Variants in POLN observed in about 807,000 individuals in gnomAD.
POLN encodes the protein DNA polymerase N.
A neutral mutation model predicts 113.5 loss-of-function variants in POLN; 108 were observed. That is an observed-to-expected ratio of 0.95 (90% CI 0.81 to 1.12). The LOEUF (loss-of-function observed/expected upper bound fraction) is 1.12, where lower values mean the gene tolerates loss of function less well. POLN is among the 50% of genes most tolerant of loss of function. The pLI is 0.00. For synonymous variants in POLN, 386 were observed against 391.5 expected (o/e 0.99, Z 0.17); for missense variants, 1,097 against 1,077.1 (o/e 1.02, Z -0.26).
chr4:2,179,228 G>C, intron 8 of POLN, 80 bp downstream of exon 8: 5 of 1,282,116 alleles, frequency 3.9e-6, no homozygotes, highest in Non-Finnish European at 5.5e-6. Flanking sequence ...TTTACTATTA[G>C]GCTATCAATA....
intron 2 of POLN, among the ~76,000 whole-genome samples, chr4:2,238,327 A>C (rs1420835601): frequency 6.6e-6 from 1 of 152,182 alleles, no homozygotes; most frequent in African/African-American, 2.4e-5. Context: ...AAGGTATATA[A>C]ATAATGATGC....
At chr4:2,161,632 C>T (rs529141011) in intron 13 of POLN, among the ~76,000 whole-genome samples, 2 of 152,354 alleles carry the variant, frequency 1.3e-5, no homozygotes, top group Admixed American at 1.3e-4. Flanking sequence ...CCATCGACCA[C>T]CCAAAGGCTG....
At chr4:2,234,979 G>C (rs1186481359) in intron 2 of POLN, among the ~76,000 whole-genome samples, 1 of 152,126 alleles carries the variant, frequency 6.6e-6, no homozygotes, top group Non-Finnish European at 1.5e-5. Context: ...TTTGCCTCCC[G>C]GGTTCAAGGG....
chr4:2,185,835 A>G (rs1362374792), intron 7 of POLN, among the ~76,000 whole-genome samples: 1 of 152,218 alleles, frequency 6.6e-6, no homozygotes, highest in African/African-American at 2.4e-5. Flanking sequence ...CAAATAAACA[A>G]AAACAGTTAT....
rs555861835 is a variant in POLN, at chr4:2,210,516, G to A, written c.214-2029C>T. 8.6e-5 allele frequency among the ~76,000 whole-genome samples: 13 copies of A among 151,348 alleles called. No homozygotes were observed. The East Asian group carries it at 2.5e-3, about 29-fold the overall frequency. ...GGATCACCTGAGCCCAGGAGGTCAA[G>A]GCTACAGTGAGCCGTGGTCACACCA... On this transcript the variant is annotated intron_variant, in intron 4 of 25. Transcript: ENST00000511885.
Position 2,208,114 on chromosome 4 carries a change from T to C in POLN, c.587A>G (p.His196Arg), listed in dbSNP as rs1344709490. The C allele has an allele frequency of 6.2e-7, 1 of 1,614,228 alleles. No individual in the cohort carries two copies. Among genetic ancestry groups the C allele is most frequent in the East Asian group, 2.2e-5 (1 of 44,888 alleles). Residue 196 changes from histidine to arginine, a missense_variant, in exon 5 of 26, where the codon CAT becomes CGT. Transcript: ENST00000511885. ...NSGNSGALKKHFCDIRHLDDW... is the reference protein window; with the variant it reads ...NSGNSGALKKRFCDIRHLDDW... The stretch of plus-strand genomic sequence containing the variant: ...ATCCAAATGCCTAATATCACAAAAA[T>C]GTTTTTTCAATGCTCCTGAGTTCCC...
At chr4:2,235,629 G>A (rs1734733251) in intron 2 of POLN, among the ~76,000 whole-genome samples, 1 of 152,068 alleles carries the variant, frequency 6.6e-6, no homozygotes, top group Non-Finnish European at 1.5e-5. Flanking sequence ...CATTGAAAAA[G>A]CAAGCAAGTC....
chr4:2,138,775 GTCTGT>G (rs1461446853), intron 16 of POLN, among the ~76,000 whole-genome samples: 4 of 152,026 alleles, frequency 2.6e-5, no homozygotes, highest in African/African-American at 4.8e-5. Flanking sequence ...GGTGGTGCAT[GTCTGT>G]AATCCCAGCT....
Position 2,193,204 on chromosome 4 carries a change from C to T in POLN, c.1021G>A (p.Val341Ile). The T allele has an allele frequency of 6.3e-7, 1 of 1,583,620 alleles. No individual in the cohort carries two copies. Among genetic ancestry groups the T allele is most frequent in the Non-Finnish European group, 8.6e-7 (1 of 1,157,704 alleles). The change falls in exon 7 of 26, where the codon GTT becomes ATT. Residue 341 changes from valine to isoleucine, a missense_variant and splice_region_variant. Transcript: ENST00000511885. ...AGAGAGAATAAAAAATATAACTTACCATGCTTCCAACTGCCATCATTGCCA... is the reference window on the plus strand; with the variant it reads ...AGAGAGAATAAAAAATATAACTTACTATGCTTCCAACTGCCATCATTGCCA... Reference protein sequence around the residue: ...FFGNDGSWKHVADFIGLDPRI... With the variant: ...FFGNDGSWKHIADFIGLDPRI...
chr4:2,234,673 A>T (rs1297694265), intron 2 of POLN, among the ~76,000 whole-genome samples: 2 of 152,248 alleles, frequency 1.3e-5, no homozygotes, highest in East Asian at 3.8e-4. Context: ...ATTACTAAGC[A>T]AAAGAAAAAT....
At chr4:2,121,442 A>ATAT in intron 19 of POLN, among the ~76,000 whole-genome samples, 1 of 71,868 alleles carries the variant, frequency 1.4e-5, no homozygotes, top group East Asian at 4.0e-4. Context: ...CTCAAAAAAA[A>ATAT]AAAAAAAAAA....
intron 23 of POLN, among the ~76,000 whole-genome samples, chr4:2,077,350 C>T (rs569260202): frequency 3.3e-5 from 5 of 152,346 alleles, no homozygotes; most frequent in South Asian, 2.1e-4. Flanking sequence ...GTGTTCCTGA[C>T]GGCCAAGTGC....
At chr4:2,182,179 C>T (rs1733159986) in intron 7 of POLN, among the ~76,000 whole-genome samples, 1 of 151,974 alleles carries the variant, frequency 6.6e-6, no homozygotes, top group Admixed American at 6.6e-5. Context: ...TGTTGGATAC[C>T]AACAATGGGT....
At position 2,229,101 on chromosome 4, in the gene POLN, T is replaced by C; in HGVS notation, c.131A>G (p.Glu44Gly). 1 of 1,595,204 alleles carries C rather than the reference T, an allele frequency of 6.3e-7. No homozygotes were observed. Among genetic ancestry groups the C allele is most frequent in the South Asian group, 1.1e-5 (1 of 88,400 alleles). ...AAAGGTTCATAAAAATTACTTACTCTCTGTACTCTTTCCCCAAGTCTTAGA... is the reference window on the plus strand; with the variant it reads ...AAAGGTTCATAAAAATTACTTACTCCCTGTACTCTTTCCCCAAGTCTTAGA... The part of the protein sequence containing the change: ...VDSKTWGKST[E>G]TMEVINKSSV... The change falls in exon 3 of 26, where the codon GAG becomes GGG. Residue 44 changes from glutamate (E) to glycine (G), a missense_variant and splice_region_variant. Glu to Gly is a moderately conservative substitution (Grantham distance 98, BLOSUM62 -2). Transcript: ENST00000511885.
chr4:2,196,135 T>A (rs1377576117), intron 6 of POLN, among the ~76,000 whole-genome samples: 2 of 152,174 alleles, frequency 1.3e-5, no homozygotes, highest in Admixed American at 1.3e-4. Context: ...GAATATTTTT[T>A]AGGGATGTAT....
At chr4:2,099,529 T>C (rs537250043) in intron 19 of POLN, among the ~76,000 whole-genome samples, 5 of 152,184 alleles carry the variant, frequency 3.3e-5, no homozygotes, top group Non-Finnish European at 7.3e-5. Context: ...GTCAGGGTCA[T>C]TGAAAACAGG....
intron 20 of POLN, among the ~76,000 whole-genome samples, chr4:2,091,863 G>A (rs1197895379): frequency 2.6e-5 from 4 of 151,684 alleles, no homozygotes; most frequent in South Asian, 2.1e-4. Context: ...CCTTTTCTCC[G>A]AGTGCTCTTC....
intron 21 of POLN, among the ~76,000 whole-genome samples, chr4:2,084,143 G>T (rs1251849439): frequency 6.6e-6 from 1 of 152,222 alleles, no homozygotes; most frequent in African/African-American, 2.4e-5. Flanking sequence ...ATGCCTGCAT[G>T]CTTCTAGACT....
At chr4:2,229,394 A>C (rs1012292371) in intron 2 of POLN, 151 bp from the exon 3 acceptor site, 1 of 600,574 alleles carries the variant, frequency 1.7e-6, no homozygotes, top group Admixed American at 3.9e-5. Flanking sequence ...ATCATCCAAT[A>C]ATATAGATAG....
Sources: gnomAD v4.1 joint callset for allele counts (sites outside exome capture counted in the v4.1 genomes callset) on GRCh38, gnomAD v4.1.1 for gene constraint, MANE v1.5 for transcripts, NCBI Gene and HGNC (gene_info 2026-07-23, HGNC 2026-07-21) for gene names.